The following STK36 variants were observed in gnomAD, a reference collection of about 807,000 sequenced individuals.
The protein encoded by STK36 is serine/threonine kinase 36, also known as serine/threonine-protein kinase 36.
In STK36, 116 loss-of-function variants were observed where a neutral mutation model predicts 142.2. The observed-to-expected ratio is 0.82, with a 90% CI of 0.70 to 0.95. The LOEUF is 0.95. Ranked by LOEUF, STK36 falls within the 40% of genes least tolerant of loss-of-function variation. The pLI is 0.00. For synonymous variants in STK36, 619 were observed against 641.7 expected (o/e 0.96, Z 0.53); for missense variants, 1,422 against 1,617.2 (o/e 0.88, Z 2.07).
At chr2:218,675,878 G>A (rs536847196) in intron 5 of STK36, 151 bp from the exon 6 acceptor site, 111 of 968,866 alleles carry the variant, frequency 1.1e-4, no homozygotes, top group African/African-American at 6.2e-4. Flanking sequence ...TTTTAGAACC[G>A]GAGCTAGAGG....
At chr2:218,693,679 G>C in intron 17 of STK36, 44 bp from the exon 18 acceptor site, 1 of 1,570,980 alleles carries the variant, frequency 6.4e-7, no homozygotes, top group Non-Finnish European at 8.7e-7. Context: ...TTGGAGCCCG[G>C]GGCCTGCCCT....
At chr2:218,685,294 A>G in intron 11 of STK36, 66 bp downstream of exon 11, 4 of 1,587,594 alleles carry the variant, frequency 2.5e-6, no homozygotes, top group South Asian at 2.2e-5. Context: ...ATTGAAATAC[A>G]CTGACTTCAG....
intron 6 of STK36, among the ~76,000 whole-genome samples, chr2:218,677,026 C>T (rs1246347687): frequency 6.6e-6 from 1 of 152,082 alleles, no homozygotes; most frequent in Non-Finnish European, 1.5e-5. Flanking sequence ...CTCTGCTTCC[C>T]AGGTTCAAGC....
At position 218,689,720 on chromosome 2, in the gene STK36, C is replaced by A. The variant is rs1004847705; in HGVS notation, c.1561-139C>A. 1.7e-5 allele frequency: 12 copies of A among 685,754 alleles called. No homozygotes were observed. The East Asian group carries it at 3.3e-4, about 19-fold the overall frequency. The allele number at this position is 685,754 out of a possible 1,614,324, so 42.5% of individuals were successfully genotyped here. The stretch of plus-strand genomic sequence containing the variant: ...GATTCTCTGTTACCCCTAGAACTCT[C>A]TCTCTGCCTATACTTCTCTTCTGTC... On this transcript the variant is annotated intron_variant, in intron 12 of 26. Coordinates refer to ENST00000295709, the MANE Select transcript of STK36 (RefSeq NM_015690.5).
chr2:218,685,042 C>T (rs753768668), intron 10 of STK36, 43 bp from the exon 11 acceptor site: 1 of 1,611,976 alleles, frequency 6.2e-7, no homozygotes, highest in East Asian at 2.2e-5. Flanking sequence ...CTACCTTAGA[C>T]TTACACACTA....
In STK36 at chr2:218,694,311, A is replaced by C. The variant is rs763983467; in HGVS notation, c.2384A>C (p.His795Pro). The change falls in exon 20 of 27, where the codon CAT becomes CCT. Residue 795 changes from histidine to proline, a missense_variant. His to Pro is a moderately conservative substitution (Grantham distance 77). Transcript: ENST00000295709. The surrounding 1 kb of genome is among the most constrained non-coding windows in gnomAD (Gnocchi z 4.4). Reference protein sequence around the residue: ...SDVATLFTHSHVVSLVSAAAC... With the variant: ...SDVATLFTHSPVVSLVSAAAC... ...GTTGCTACTCTCTTTACCCATTCGC[A>C]TGTCGTCTCTCTTGTGGTAAGTTTT... 2 of 1,614,056 alleles carry C rather than the reference A, an allele frequency of 1.2e-6. No individual in the cohort carries two copies.
intron 7 of STK36, 67 bp from the exon 8 acceptor site, chr2:218,679,493 C>T: frequency 6.5e-7 from 1 of 1,547,268 alleles, no homozygotes; most frequent in Non-Finnish European, 8.7e-7. Flanking sequence ...TGAAGTTGTC[C>T]CTGGCCAAGT....
chr2:218,686,527 C>T (rs1940785717), intron 11 of STK36, among the ~76,000 whole-genome samples: 1 of 152,178 alleles, frequency 6.6e-6, no homozygotes, highest in Non-Finnish European at 1.5e-5. Context: ...CCTTGGCCTC[C>T]CAAAGTGCTA....
intron 7 of STK36, 130 bp downstream of exon 7, chr2:218,679,391 C>A: frequency 8.0e-7 from 1 of 1,254,384 alleles, no homozygotes; most frequent in Non-Finnish European, 1.1e-6. Context: ...TTCTTCCTAG[C>A]CCTTCACTTA....
Position 218,680,095 on chromosome 2 carries a change from G to C in STK36, c.1136+15G>C. On this transcript the variant is annotated intron_variant, in intron 9 of 26. Coordinates refer to ENST00000295709, the MANE Select transcript of STK36 (RefSeq NM_015690.5). Reference sequence around the variant, plus strand: ...TCTGCACCTCGGTGAGAAGGGTATAGTTAGGGATTTGTAGGGTGAGGTATC... The same window carrying C: ...TCTGCACCTCGGTGAGAAGGGTATACTTAGGGATTTGTAGGGTGAGGTATC... 6.2e-7 allele frequency: 1 copy of C among 1,612,490 alleles called. No individual in the cohort carries two copies. The highest frequency in any genetic ancestry group is 8.5e-7 in the Non-Finnish European group (1 of 1,179,302).
At position 218,679,563 on chromosome 2, in the gene STK36, TAACTG is replaced by T; in HGVS notation, c.784_788del (p.Thr262AlafsTer34). 6.2e-7 allele frequency: 1 copy of T among 1,613,678 alleles called. No homozygotes were observed. Among genetic ancestry groups the T allele is most frequent in the Non-Finnish European group, 8.5e-7 (1 of 1,179,774 alleles). On this transcript the variant is annotated frameshift_variant, in exon 8 of 27. Transcript: ENST00000295709. LOFTEE classifies it high-confidence loss of function. Reference sequence around the variant, plus strand: ...TCCTCCTCTTCCCTCCCTGCAGTAATAACTGAGCCAGCAGGCCCAGATTTGGGGAC... The same window carrying T: ...TCCTCCTCTTCCCTCCCTGCAGTAATAGCCAGCAGGCCCAGATTTGGGGAC...
intron 15 of STK36, 49 bp downstream of exon 15, chr2:218,692,342 G>A (rs1308000833): frequency 6.2e-7 from 1 of 1,608,232 alleles, no homozygotes; most frequent in African/African-American, 1.3e-5. Context: ...TGTTGCATAG[G>A]TCAGGCTCCG....
At position 218,688,713 on chromosome 2, in the gene STK36, T is replaced by TG. The variant is rs763400883; in HGVS notation, c.1399dup (p.Glu467GlyfsTer22). On this transcript the variant is annotated frameshift_variant, in exon 12 of 27. Transcript: ENST00000295709. LOFTEE classifies it high-confidence loss of function. The stretch of plus-strand genomic sequence containing the variant: ...GTCACCCAGATCCTGAAAGGCATCT[T>TG]GGAGGGTGCTTCCCACATCCTGCCT... The TG allele has an allele frequency of 6.2e-7, 1 of 1,612,610 alleles. No homozygotes were observed. Among genetic ancestry groups the TG allele is most frequent in the Non-Finnish European group, 8.5e-7 (1 of 1,179,514 alleles).
At chr2:218,696,951 A>T in intron 22 of STK36, 88 bp from the exon 23 acceptor site, 1 of 1,542,184 alleles carries the variant, frequency 6.5e-7, no homozygotes, top group South Asian at 1.1e-5. Context: ...GACTTCCTTT[A>T]CTTGTAAGTC....
rs1941248519 is a variant in STK36 at position 218,696,781 on chromosome 2, T to A, written c.2586+180T>A. 3.3e-6 allele frequency: 3 copies of A among 904,672 alleles called. No homozygotes were observed. In the African/African-American group the frequency reaches 4.9e-5, roughly 15 times the overall value. 56.0% of individuals were successfully genotyped at this position (904,672 alleles called of 1,614,324 possible). A position where few individuals can be genotyped will look rare whatever the true frequency, so the allele number is the denominator to read the frequency against. The stretch of plus-strand genomic sequence containing the variant: ...GTACTGACCCTTTGAAGGAAACCAT[T>A]CGCTGCGTCCCCTGGGATCCAGTGG... On this transcript the variant is annotated intron_variant, in intron 22 of 26. Coordinates refer to ENST00000295709, the MANE Select transcript of STK36 (RefSeq NM_015690.5).
rs543966489 is a variant in STK36, at chr2:218,688,422, G to A, written c.1381-275G>A. 50 of 582,242 alleles carry A rather than the reference G, an allele frequency of 8.6e-5. No homozygotes were observed. In the East Asian group the frequency reaches 1.9e-3, roughly 22 times the overall value. The allele number at this position is 582,242 out of a possible 1,614,324, so 36.1% of individuals were successfully genotyped here. A position where few individuals can be genotyped will look rare whatever the true frequency, so the allele number is the denominator to read the frequency against. On this transcript the variant is annotated intron_variant, in intron 11 of 26. Coordinates refer to ENST00000295709, the MANE Select transcript of STK36 (RefSeq NM_015690.5). ...GGCTGGAGAAGGGAGGGAGCAGATG[G>A]GAATGGCACTTAGTCTGACAGAGAT...
At chr2:218,683,700 G>C (rs1012108114) in intron 10 of STK36, among the ~76,000 whole-genome samples, 2 of 152,132 alleles carry the variant, frequency 1.3e-5, no homozygotes, top group Non-Finnish European at 2.9e-5. Flanking sequence ...TCGTCATCTA[G>C]CATTAGGTAT....
chr2:218,701,264 TG>T (rs1559348247), intron 26 of STK36, among the ~76,000 whole-genome samples: 2 of 151,114 alleles, frequency 1.3e-5, no homozygotes, highest in Non-Finnish European at 2.9e-5. Context: ...CCCGAGTAGC[TG>T]GGACTACAGG....
At chr2:218,672,616 CTGTT>C in intron 1 of STK36, 121 bp from the exon 2 acceptor site, 2 of 525,344 alleles carry the variant, frequency 3.8e-6, no homozygotes. Flanking sequence ...AAGAGAAGCT[CTGTT>C]TGTTCCAAGA....
Sources: gnomAD v4.1 joint callset for allele counts (sites outside exome capture counted in the v4.1 genomes callset) on GRCh38, gnomAD v4.1.1 for gene constraint, Gnocchi (gnomAD v3.1) non-coding constraint, MANE v1.5 for transcripts, NCBI Gene and HGNC (gene_info 2026-07-23, HGNC 2026-07-21) for gene names.